DMXL1: variants seen among roughly 807,000 people sequenced by gnomAD.
DMXL1 encodes the protein Dmx like 1, also known as dmX-like protein 1.
In DMXL1, 99 loss-of-function variants were observed where a neutral mutation model predicts 319.2. The observed-to-expected ratio is 0.31, with a 90% CI of 0.26 to 0.37. DMXL1 has a LOEUF of 0.37. Ranked by LOEUF, DMXL1 falls within the 10% of genes least tolerant of loss-of-function variation. DMXL1 has a pLI of 1.00. For synonymous variants in DMXL1, 1,385 were observed against 1,235.2 expected, an observed-to-expected ratio of 1.12 and a Z score of -2.54; for missense variants, 3,745 against 3,595.6, an observed-to-expected ratio of 1.04 and a Z score of -1.06.
intron 38 of DMXL1, among the ~76,000 whole-genome samples, chr5:119,229,589 T>G (rs1426664432): frequency 6.6e-6 from 1 of 152,220 alleles, no homozygotes; most frequent in African/African-American, 2.4e-5. Context: ...CAGTCTGCTT[T>G]AGGACAAAAA....
At chr5:119,170,066 T>C (rs1423565539) in intron 23 of DMXL1, 124 bp from the exon 24 acceptor site, 4 of 876,770 alleles carry the variant, frequency 4.6e-6, no homozygotes, top group Non-Finnish European at 6.7e-6. Flanking sequence ...CATTGTGGCC[T>C]ATTAGTAAAA....
chr5:119,244,896 T>C (rs1240810662), intron 43 of DMXL1, among the ~76,000 whole-genome samples: 1 of 152,226 alleles, frequency 6.6e-6, no homozygotes. Context: ...TTCCAGGGGC[T>C]GAGAAATGTA....
At chr5:119,173,882 A>G (rs1775255875) in intron 25 of DMXL1, among the ~76,000 whole-genome samples, 1 of 149,146 alleles carries the variant, frequency 6.7e-6, no homozygotes, top group African/African-American at 2.5e-5. Context: ...GGCAAGTTGG[A>G]CACCCAGGAG....
At chr5:119,127,877 T>A in intron 9 of DMXL1, 1 of 349,616 alleles carries the variant, frequency 2.9e-6, no homozygotes. Flanking sequence ...CATGTCTGCT[T>A]TGGCAATAAG....
chr5:119,112,935 A>C (rs1759990165), intron 5 of DMXL1, among the ~76,000 whole-genome samples: 1 of 152,146 alleles, frequency 6.6e-6, no homozygotes, highest in African/African-American at 2.4e-5. Context: ...CAGCCTGGGC[A>C]ATAGAGTGAG....
chr5:119,164,596 C>G lies in DMXL1; in HGVS notation c.4792C>G (p.Pro1598Ala), dbSNP rs1773022313. 1 of 1,614,074 alleles carries G rather than the reference C, an allele frequency of 6.2e-7. No homozygotes were observed. Among genetic ancestry groups the G allele is most frequent in the East Asian group, 2.2e-5 (1 of 44,876 alleles). ...GTTGCCAGCCATGCAGAAAGATGAT[C>G]CCACTTGGTCTGAACTAAGAGCTAT... Reference protein sequence around the residue: ...NMLPAMQKDDPTWSELRAMGV... With the variant: ...NMLPAMQKDDATWSELRAMGV... Residue 1598 changes from proline to alanine, a missense_variant, in exon 20 of 44, where the codon CCC (proline) becomes GCC (alanine). Coordinates refer to ENST00000539542, the MANE Select transcript of DMXL1 (RefSeq NM_001290321.3).
At chr5:119,106,233 C>G (rs1404906001) in intron 4 of DMXL1, among the ~76,000 whole-genome samples, 1 of 152,142 alleles carries the variant, frequency 6.6e-6, no homozygotes, top group African/African-American at 2.4e-5. Flanking sequence ...TACATGGTGG[C>G]TGCATTCTGA....
chr5:119,144,317 C>T (rs1768053124), intron 14 of DMXL1, among the ~76,000 whole-genome samples: 1 of 151,788 alleles, frequency 6.6e-6, no homozygotes, highest in Non-Finnish European at 1.5e-5. Flanking sequence ...TTATTTCTTA[C>T]TTATAAAGAC....
chr5:119,125,514 A>T (rs576282640), intron 9 of DMXL1, among the ~76,000 whole-genome samples: 1 of 152,318 alleles, frequency 6.6e-6, no homozygotes, highest in South Asian at 2.1e-4. Flanking sequence ...ATTCTAGCTA[A>T]GGAGGGCACT....
Position 119,170,628 on chromosome 5 carries a change from C to A in DMXL1, c.5837C>A (p.Ser1946Tyr). 1 of 1,613,444 alleles carries A rather than the reference C, an allele frequency of 6.2e-7. No homozygotes were observed. The highest frequency in any genetic ancestry group is 8.5e-7 in the Non-Finnish European group (1 of 1,179,832). ...SEGSSEKQSN[S>Y]TLSFDWSQPS... ...GGTTCCTCAGAGAAGCAATCAAACT[C>A]CACTCTTTCTTTTGACTGGAGCCAA... Residue 1946 changes from serine (S) to tyrosine (Y), a missense_variant, in exon 24 of 44, where the codon TCC becomes TAC. By Grantham distance (144) the Ser-to-Tyr change is moderately radical. Transcript: ENST00000539542.
intron 9 of DMXL1, 66 bp downstream of exon 9, chr5:119,121,205 A>G (rs1434683262): frequency 1.5e-6 from 2 of 1,344,438 alleles, no homozygotes; most frequent in East Asian, 2.6e-5. Flanking sequence ...CAACTAAGTT[A>G]TACTTTTAGT....
At chr5:119,139,718 G>A (rs902061998) in intron 13 of DMXL1, among the ~76,000 whole-genome samples, 6 of 152,076 alleles carry the variant, frequency 3.9e-5, no homozygotes, top group Non-Finnish European at 2.9e-5. Context: ...ACAGCTCATC[G>A]AGGCAGAAGA....
chr5:119,125,031 T>C (rs1177365416), intron 9 of DMXL1, among the ~76,000 whole-genome samples: 1 of 152,236 alleles, frequency 6.6e-6, no homozygotes, highest in Non-Finnish European at 1.5e-5. Context: ...CTGTATGACC[T>C]AGGACATATA....
chr5:119,127,317 C>A, intron 9 of DMXL1: 1 of 209,270 alleles, frequency 4.8e-6, no homozygotes, highest in East Asian at 1.1e-4. Flanking sequence ...GTATTATTGG[C>A]TACCACAGCA....
chr5:119,129,476 T>G, intron 10 of DMXL1, 53 bp downstream of exon 10: 1 of 1,328,722 alleles, frequency 7.5e-7, no homozygotes, highest in Non-Finnish European at 1.0e-6. Context: ...ATAGCAAACA[T>G]TTTCATATTA....
intron 1 of DMXL1, 124 bp from the exon 2 acceptor site, chr5:119,097,855 A>C: frequency 1.2e-6 from 1 of 868,858 alleles, no homozygotes; most frequent in Non-Finnish European, 1.7e-6. Flanking sequence ...TTAAGAAAAC[A>C]CCTAAAATTG....
At chr5:119,121,743 C>G (rs1487333396) in intron 9 of DMXL1, among the ~76,000 whole-genome samples, 3 of 152,260 alleles carry the variant, frequency 2.0e-5, no homozygotes, top group Non-Finnish European at 2.9e-5. Context: ...TCCACCCTTT[C>G]TGTTCCACAA....
intron 28 of DMXL1, among the ~76,000 whole-genome samples, chr5:119,188,217 C>T (rs570770415): frequency 6.6e-6 from 1 of 151,974 alleles, no homozygotes; most frequent in South Asian, 2.1e-4. Flanking sequence ...TAACATTGTA[C>T]GTGTTTTTTT....
chr5:119,121,343 C>G (rs536314656), intron 9 of DMXL1, among the ~76,000 whole-genome samples: 4 of 150,774 alleles, frequency 2.7e-5, no homozygotes, highest in Non-Finnish European at 5.9e-5. Flanking sequence ...AGGTTTGGCA[C>G]GGTCATAGGA....
Sources: allele counts gnomAD v4.1 joint callset (sites outside exome capture counted in the v4.1 genomes callset), GRCh38; gene constraint gnomAD v4.1.1; transcripts MANE v1.5; gene names NCBI Gene and HGNC (gene_info 2026-07-23, HGNC 2026-07-21).